The following FHDC1 variants were observed in gnomAD, a reference collection of about 807,000 sequenced individuals.
The protein encoded by FHDC1 is FH2 domain-containing protein 1.
In FHDC1, 25 loss-of-function variants were observed where a neutral mutation model predicts 52.6. That is an observed-to-expected ratio of 0.48 (90% confidence interval 0.35 to 0.66). The LOEUF (loss-of-function observed/expected upper bound fraction) is 0.66. FHDC1 is among the 30% of genes least tolerant of loss of function. The pLI, the probability that FHDC1 is intolerant of heterozygous loss-of-function variation, is 0.01. For synonymous variants in FHDC1, 616 were observed against 581.5 expected (o/e 1.06, Z -0.85); for missense variants, 1,459 against 1,452.8 (o/e 1.00, Z -0.07).
chr4:152,975,993 G>T lies in FHDC1; in HGVS notation c.2702G>T (p.Ser901Ile). ...VRTLTASENE[S>I]MRKVMPITKS... The stretch of plus-strand genomic sequence containing the variant: ...ACCCTGACCGCCTCAGAGAACGAGA[G>T]CATGCGCAAGGTCATGCCCATCACC... Residue 901 changes from serine to isoleucine, a missense_variant, in exon 12 of 12, where the codon AGC (serine) becomes ATC (isoleucine). Physicochemically the swap from Ser to Ile is moderately radical, Grantham distance 142. Transcript: ENST00000511601. 1 of 1,527,382 alleles carries T rather than the reference G, an allele frequency of 6.5e-7. No homozygotes were observed. Among genetic ancestry groups the T allele is most frequent in the Non-Finnish European group, 8.8e-7 (1 of 1,140,038 alleles). The allele number at this position is 1,527,382 out of a possible 1,614,324, so 94.6% of individuals were successfully genotyped here. A position where few individuals can be genotyped will look rare whatever the true frequency, so the allele number is the denominator to read the frequency against.
intron 1 of FHDC1, among the ~76,000 whole-genome samples, chr4:152,941,158 G>A (rs979938994): frequency 2.6e-5 from 4 of 152,196 alleles, no homozygotes; most frequent in African/African-American, 9.7e-5. Context: ...TATAGAGGCA[G>A]TTTTCAGAAC....
chr4:152,936,420 G>A lies in FHDC1; in HGVS notation c.-131+11G>A, dbSNP rs1739378854. 6.6e-6 allele frequency: 1 copy of A among 152,248 alleles called. No individual in the cohort carries two copies. Among genetic ancestry groups the A allele is most frequent in the Non-Finnish European group, 1.5e-5 (1 of 68,280 alleles). The allele number at this position is 152,248 out of a possible 1,614,324, so 9.4% of individuals were successfully genotyped here. On this transcript the variant is annotated intron_variant, in intron 1 of 11. Coordinates refer to ENST00000511601, the MANE Select transcript of FHDC1 (RefSeq NM_001371116.1). ...GCGCGCTGGCCGCGGGTGAGTGCGG[G>A]TCGGGCGGCCGAGGCGGGGGCGACC...
chr4:152,913,740 G>A, the FHDC1 span, among the ~76,000 whole-genome samples: 3 of 152,098 alleles, frequency 2.0e-5, no homozygotes, highest in African/African-American at 4.8e-5. Flanking sequence ...GTGCAATGGC[G>A]CGATCTTGGC....
In FHDC1 at chr4:152,976,745, C is replaced by T; in HGVS notation, c.*22C>T. 1 of 1,456,002 alleles carries T rather than the reference C, an allele frequency of 6.9e-7. No homozygotes were observed. The allele number at this position is 1,456,002 out of a possible 1,614,324, so 90.2% of individuals were successfully genotyped here. Reference sequence around the variant, plus strand: ...GTGATGGGTGCCTGTCCTCTCCTGCCTCCTGGGATTCAGACGGTGAAGACT... The same window carrying T: ...GTGATGGGTGCCTGTCCTCTCCTGCTTCCTGGGATTCAGACGGTGAAGACT... On this transcript the variant is annotated 3_prime_UTR_variant, in exon 12 of 12. Coordinates refer to ENST00000511601, the MANE Select transcript of FHDC1 (RefSeq NM_001371116.1).
chr4:152,975,249 T>G lies in FHDC1; in HGVS notation c.1958T>G (p.Val653Gly). 1.2e-6 allele frequency: 2 copies of G among 1,613,454 alleles called. No homozygotes were observed. Among genetic ancestry groups the G allele is most frequent in the Non-Finnish European group, 1.7e-6 (2 of 1,180,034 alleles). The change falls in exon 12 of 12, where the codon GTG becomes GGG. Residue 653 changes from valine to glycine, a missense_variant. By Grantham distance (109) the Val-to-Gly change is moderately radical (BLOSUM62 -3). Around this residue, in one of 3 missense-constraint regions of FHDC1, gnomAD observed 939 missense variants for 854.5 expected, o/e 1.10. Transcript: ENST00000511601. Reference protein sequence around the residue: ...SVLRKRYSEPVSLGSAQSPPL... With the variant: ...SVLRKRYSEPGSLGSAQSPPL... ...CTCCGAAAGAGGTACAGTGAGCCGGTGAGCCTGGGCTCAGCACAGTCCCCT... is the reference window on the plus strand; with the variant it reads ...CTCCGAAAGAGGTACAGTGAGCCGGGGAGCCTGGGCTCAGCACAGTCCCCT...
chr4:152,925,151 A>C, the FHDC1 span, among the ~76,000 whole-genome samples: 2 of 152,304 alleles, frequency 1.3e-5, no homozygotes, highest in African/African-American at 2.4e-5. Context: ...AGTTACATGA[A>C]CTTGAAATAG....
At chr4:152,914,381 G>A in the FHDC1 span, among the ~76,000 whole-genome samples, 1 of 150,988 alleles carries the variant, frequency 6.6e-6, no homozygotes. Flanking sequence ...ACTCTTAGTA[G>A]TTTATGTATG....
chr4:152,913,183 G>A, the FHDC1 span, among the ~76,000 whole-genome samples: 1 of 152,126 alleles, frequency 6.6e-6, no homozygotes, highest in Non-Finnish European at 1.5e-5. Context: ...TTCTTCTAAA[G>A]TTAAGTTTAA....
At chr4:152,944,932 T>C (rs952519990) in intron 2 of FHDC1, among the ~76,000 whole-genome samples, 1 of 152,226 alleles carries the variant, frequency 6.6e-6, no homozygotes, top group African/African-American at 2.4e-5. Flanking sequence ...TATTGTACAG[T>C]AGGTCATTTC....
At chr4:152,970,319 A>C (rs1179798604) in intron 10 of FHDC1, among the ~76,000 whole-genome samples, 1 of 152,260 alleles carries the variant, frequency 6.6e-6, no homozygotes, top group Non-Finnish European at 1.5e-5. Context: ...ACCTGTTGAC[A>C]TTCTTGCTTT....
intron 1 of FHDC1, among the ~76,000 whole-genome samples, chr4:152,940,681 A>G (rs1409593732): frequency 1.3e-5 from 2 of 152,236 alleles, no homozygotes; most frequent in African/African-American, 4.8e-5. Flanking sequence ...CACCATTCTT[A>G]ACAGGGATAA....
intron 10 of FHDC1, among the ~76,000 whole-genome samples, chr4:152,971,321 A>G (rs1740629432): frequency 6.6e-6 from 1 of 152,118 alleles, no homozygotes; most frequent in Non-Finnish European, 1.5e-5. Context: ...ACACCATTGT[A>G]CTCCAGCCTG....
chr4:152,921,062 A>G, the FHDC1 span, among the ~76,000 whole-genome samples: 2 of 152,054 alleles, frequency 1.3e-5, no homozygotes, highest in African/African-American at 2.4e-5. Flanking sequence ...AATCTACCAT[A>G]TAAAATTATT....
intron 2 of FHDC1, 92 bp from the exon 3 acceptor site, chr4:152,953,407 G>C (rs1254574070): frequency 1.1e-6 from 1 of 907,776 alleles, no homozygotes; most frequent in African/African-American, 1.7e-5. Flanking sequence ...TGATAAATTA[G>C]TGTTGCATTT....
At chr4:152,912,523 C>A in the FHDC1 span, among the ~76,000 whole-genome samples, 1 of 152,138 alleles carries the variant, frequency 6.6e-6, no homozygotes, top group Non-Finnish European at 1.5e-5. Flanking sequence ...ACTTCTAAAA[C>A]TTTGTAATAT....
intron 2 of FHDC1, among the ~76,000 whole-genome samples, chr4:152,945,830 C>T (rs564266113): frequency 8.9e-4 from 136 of 152,252 alleles, no homozygotes; most frequent in Middle Eastern, 6.8e-3. Context: ...CTTCCCTCTC[C>T]GGAACACTTT....
chr4:152,947,796 AAAG>A (rs1233504896), intron 2 of FHDC1, among the ~76,000 whole-genome samples: 1 of 147,172 alleles, frequency 6.8e-6, no homozygotes, highest in Non-Finnish European at 1.5e-5. Flanking sequence ...CTAATTAGAA[AAAG>A]AAGACCACAG....
chr4:152,924,683 A>C, the FHDC1 span, among the ~76,000 whole-genome samples: 1 of 152,216 alleles, frequency 6.6e-6, no homozygotes, highest in Non-Finnish European at 1.5e-5. Context: ...TGCAGCCATA[A>C]AAAATGATGA....
the FHDC1 span, among the ~76,000 whole-genome samples, chr4:152,926,968 C>T: frequency 6.6e-6 from 1 of 152,124 alleles, no homozygotes; most frequent in East Asian, 1.9e-4. Context: ...AAGACAGAAC[C>T]CTGATTCGGC....
Sources: gnomAD v4.1 joint callset for allele counts (sites outside exome capture counted in the v4.1 genomes callset) on GRCh38, gnomAD v4.1.1 for gene constraint, gnomAD v4.1.1 regional missense constraint, MANE v1.5 for transcripts, NCBI Gene and HGNC (gene_info 2026-07-23, HGNC 2026-07-21) for gene names.